VPS54: variants seen among roughly 807,000 people sequenced by gnomAD.
The protein encoded by VPS54 is vacuolar protein sorting-associated protein 54.
VPS54 carries 45 observed loss-of-function variants against 121.5 expected under a neutral mutation model. The ratio of observed to expected loss-of-function variants is 0.37; its 90% confidence interval spans 0.29 to 0.47. The LOEUF (loss-of-function observed/expected upper bound fraction) is 0.47. VPS54 is among the 20% of genes least tolerant of loss of function. The pLI is 0.99. For synonymous variants in VPS54, 371 were observed against 385.8 expected, an observed-to-expected ratio of 0.96 and a Z score of 0.45; for missense variants, 1,090 against 1,131.4, an observed-to-expected ratio of 0.96 and a Z score of 0.52.
At chr2:63,936,074 C>G (rs1306143938) in intron 11 of VPS54, among the ~76,000 whole-genome samples, 1 of 152,152 alleles carries the variant, frequency 6.6e-6, no homozygotes, top group Non-Finnish European at 1.5e-5. Context: ...ATGCATGAAG[C>G]CCTTCCTAGT....
intron 20 of VPS54, among the ~76,000 whole-genome samples, chr2:63,906,794 A>T (rs556408106): frequency 1.2e-3 from 184 of 152,348 alleles, no homozygotes; most frequent in South Asian, 4.8e-3. Context: ...TGATCTATAC[A>T]TTCAACGCAA....
chr2:63,944,702 C>CA (rs780601123), intron 9 of VPS54, 47 bp from the exon 10 acceptor site: 1 of 1,496,712 alleles, frequency 6.7e-7, no homozygotes, highest in South Asian at 1.2e-5. Flanking sequence ...AATTGTCTTT[C>CA]AAATCCTAAG....
At chr2:63,941,550 A>T (rs995391933) in intron 11 of VPS54, among the ~76,000 whole-genome samples, 3 of 152,172 alleles carry the variant, frequency 2.0e-5, no homozygotes, top group African/African-American at 7.2e-5. Context: ...AACCAAAGTT[A>T]TGACATGTTG....
Position 63,912,560 on chromosome 2 carries a change from G to C in VPS54, c.2524C>G (p.His842Asp). Residue 842 changes from histidine to aspartate, a missense_variant, in exon 19 of 23, where the codon CAT (histidine) becomes GAT (aspartate). This residue lies in a region of VPS54 where 289 missense variants were observed against 374.4 expected (regional missense o/e 0.77). Transcript: ENST00000272322. ...AGTACCTTAGTGATATGATCAAAAT[G>C]CCTAAGCATGCTATATTGCTTAGGT... is the stretch of plus-strand genomic sequence containing the variant. ...LPPKQYSMLR[H>D]FDHITKDYHD... 6.2e-7 allele frequency: 1 copy of C among 1,611,304 alleles called. No homozygotes were observed. Among genetic ancestry groups the C allele is most frequent in the South Asian group, 1.1e-5 (1 of 90,452 alleles).
At chr2:64,000,965 A>G (rs1013935892) in intron 1 of VPS54, among the ~76,000 whole-genome samples, 2 of 152,240 alleles carry the variant, frequency 1.3e-5, no homozygotes, top group Non-Finnish European at 1.5e-5. Flanking sequence ...TCTTCAAGAC[A>G]GCAAGTGCCC....
intron 1 of VPS54, among the ~76,000 whole-genome samples, chr2:64,012,713 A>G (rs1010153476): frequency 1.4e-5 from 2 of 143,100 alleles, no homozygotes; most frequent in African/African-American, 6.0e-5. Context: ...AAAGAAAAGA[A>G]AATTTCAAGC....
At chr2:63,926,186 C>T (rs566070139) in intron 12 of VPS54, among the ~76,000 whole-genome samples, 23 of 152,262 alleles carry the variant, frequency 1.5e-4, no homozygotes, top group African/African-American at 4.6e-4. Flanking sequence ...ACCTTAGACA[C>T]AGATGAAAAC....
At chr2:63,948,887 C>G in intron 8 of VPS54, 150 bp downstream of exon 8, 1 of 805,204 alleles carries the variant, frequency 1.2e-6, no homozygotes, top group East Asian at 2.9e-5. Flanking sequence ...ATGGTGCTTG[C>G]TCAAGTCACA....
At chr2:64,008,510 G>A (rs1678274252) in intron 1 of VPS54, among the ~76,000 whole-genome samples, 1 of 152,034 alleles carries the variant, frequency 6.6e-6, no homozygotes, top group South Asian at 2.1e-4. Flanking sequence ...GAAAAGGAGA[G>A]GCAAAGTGAG....
chr2:63,949,732 C>T (rs1489939208), intron 7 of VPS54, among the ~76,000 whole-genome samples: 2 of 152,094 alleles, frequency 1.3e-5, no homozygotes, highest in Non-Finnish European at 1.5e-5. Flanking sequence ...GAAGTGGAGG[C>T]AGAAGAGGCA....
At chr2:63,907,446 A>T (rs950597599) in intron 20 of VPS54, among the ~76,000 whole-genome samples, 1 of 150,294 alleles carries the variant, frequency 6.7e-6, no homozygotes, top group Admixed American at 6.7e-5. Context: ...TGAACCCGGG[A>T]GGCGGAGGTT....
intron 8 of VPS54, among the ~76,000 whole-genome samples, chr2:63,948,335 T>C (rs1161323325): frequency 2.0e-5 from 3 of 151,606 alleles, no homozygotes; most frequent in Admixed American, 6.6e-5. Context: ...TATATACATA[T>C]ATAAAAAACA....
At chr2:63,950,521 C>CT (rs1675190925) in intron 7 of VPS54, among the ~76,000 whole-genome samples, 1 of 152,246 alleles carries the variant, frequency 6.6e-6, no homozygotes, top group South Asian at 2.1e-4. Flanking sequence ...AAGGTACTTC[C>CT]TGACTTCAGA....
At chr2:63,929,018 G>C (rs1674055552) in intron 12 of VPS54, among the ~76,000 whole-genome samples, 2 of 152,042 alleles carry the variant, frequency 1.3e-5, no homozygotes, top group African/African-American at 4.8e-5. Flanking sequence ...GATTCATAAA[G>C]CAAGTCCTTA....
chr2:63,913,200 G>A, intron 18 of VPS54, 23 bp downstream of exon 18: 8 of 1,591,942 alleles, frequency 5.0e-6, no homozygotes, highest in Non-Finnish European at 6.0e-6. Context: ...TTCAGCAAGT[G>A]AATTAAACGC....
Position 63,942,513 on chromosome 2 carries a change from C to T in VPS54, c.1350G>A (p.Leu450=), listed in dbSNP as rs140176162. 408 of 1,598,004 alleles carry T rather than the reference C, an allele frequency of 2.6e-4. 1 individual carries two copies. The highest frequency in any genetic ancestry group is 3.3e-4 in the Non-Finnish European group (383 of 1,171,282). ...RMLNFPQWFD[L]LKDIFSKFTI... ...TAAACTTAGAGAAAATATCCTTGAG[C>T]AGATCAAACCACTGGGGAAAATTCA... Residue 450 remains leucine (L), a synonymous_variant, in exon 11 of 23, where the codon CTG becomes CTA. Transcript: ENST00000272322.
chr2:63,901,742 A>G (rs147831344), intron 20 of VPS54, among the ~76,000 whole-genome samples: 2 of 152,106 alleles, frequency 1.3e-5, no homozygotes, highest in African/African-American at 4.8e-5. Flanking sequence ...TGGGCCGGGC[A>G]TGGTGGCTCA....
intron 1 of VPS54, among the ~76,000 whole-genome samples, chr2:63,999,389 T>G: frequency 6.6e-6 from 1 of 152,354 alleles, no homozygotes; most frequent in South Asian, 2.1e-4. Flanking sequence ...AAAAGGTTTT[T>G]TCCTTCGGCA....
At chr2:63,961,912 G>T in intron 7 of VPS54, 146 bp downstream of exon 7, 1 of 897,276 alleles carries the variant, frequency 1.1e-6, no homozygotes, top group Non-Finnish European at 1.6e-6. Context: ...TACAATATCA[G>T]AATAACATTA....
Sources: gnomAD v4.1 joint callset for allele counts (sites outside exome capture counted in the v4.1 genomes callset) on GRCh38, gnomAD v4.1.1 for gene constraint, gnomAD v4.1.1 regional missense constraint, MANE v1.5 for transcripts, NCBI Gene and HGNC (gene_info 2026-07-23, HGNC 2026-07-21) for gene names.